The following DLX2 variants were observed in gnomAD, a reference collection of about 807,000 sequenced individuals.
The protein encoded by DLX2 is distal-less homeobox 2, also known as homeobox protein DLX-2.
In DLX2, 8 loss-of-function variants were observed where a neutral mutation model predicts 27.4. The observed-to-expected ratio is 0.29, with a 90% CI of 0.17 to 0.53. The LOEUF is 0.53. Ranked by LOEUF, DLX2 falls within the 20% of genes least tolerant of loss-of-function variation. DLX2 has a pLI of 0.96. For synonymous variants in DLX2, 210 were observed against 200.8 expected (o/e 1.05, Z -0.39); for missense variants, 421 against 450.9 (o/e 0.93, Z 0.60).
intron 1 of DLX2, 60 bp downstream of exon 1, chr2:172,102,079 T>C: frequency 1.9e-6 from 3 of 1,557,210 alleles, no homozygotes; most frequent in Non-Finnish European, 2.6e-6. Flanking sequence ...CAAACACGTT[T>C]ACCCATCCAT....
chr2:172,100,654 G>A lies in DLX2; in HGVS notation c.876C>T (p.His292=). 3 of 1,565,154 alleles carry A rather than the reference G, an allele frequency of 1.9e-6. No individual in the cohort carries two copies. Among genetic ancestry groups the A allele is most frequent in the African/African-American group, 2.8e-5 (2 of 70,992 alleles). The part of the protein sequence containing the change: ...WYHQTSGSAS[H]LQATAPLLHP... ...GCAGCAGCGGCGCCGTGGCCTGCAG[G>A]TGTGAGGCGGATCCCGAGGTCTGGT... The change falls in exon 3 of 3, where the codon CAC becomes CAT. Residue 292 remains histidine, a synonymous_variant. Coordinates refer to ENST00000234198, the MANE Select transcript of DLX2 (RefSeq NM_004405.4). The surrounding 1 kb of genome is among the most constrained non-coding windows in gnomAD (Gnocchi z 4.5).
Position 172,102,299 on chromosome 2 carries a change from C to A in DLX2, c.240G>T (p.Gly80=), listed in dbSNP as rs1346887634. Residue 80 remains glycine (G), a synonymous_variant, in exon 1 of 3, where the codon GGG becomes GGT. Transcript: ENST00000234198. The part of the protein sequence containing the change: ...QQHPAGGGGG[G]GSPYAHMGSY... ...AACCCATGTGCGCGTAGGGCGAGCC[C>A]CCGCCGCCGCCGCCGCCCGCCGGGT... The A allele has an allele frequency of 1.9e-6, 3 of 1,609,118 alleles. No homozygotes were observed. The highest frequency in any genetic ancestry group is 2.5e-6 in the Non-Finnish European group (3 of 1,178,054).
At position 172,100,542 on chromosome 2, in the gene DLX2, G is replaced by A. The variant is rs139995048; in HGVS notation, c.*1C>T. ...CAGTCTCTGGCGAGTTCTCCCTGGG[G>A]TTAGAAAATCGTCCCCGCGCTCACC... On this transcript the variant is annotated 3_prime_UTR_variant, in exon 3 of 3. Transcript: ENST00000234198. This position sits in a 1 kb window ranked among gnomAD's most constrained non-coding sequence, Gnocchi z 4.5. 10,786 of 1,571,802 alleles carry A rather than the reference G, an allele frequency of 6.9e-3. 48 individuals are homozygous for A. The highest frequency in any genetic ancestry group is 7.9e-3 in the Non-Finnish European group (9,170 of 1,163,732).
rs114602098 is a variant in DLX2 at position 172,101,088 on chromosome 2, C to A, written c.586-144G>T. ...CCTGGGGAGATAAGAGGATCACGGGCGGCGGCCTTCGAGGCTCTGCCGGTT... is the reference window on the plus strand; with the variant it reads ...CCTGGGGAGATAAGAGGATCACGGGAGGCGGCCTTCGAGGCTCTGCCGGTT... On this transcript the variant is annotated intron_variant, in intron 2 of 2. Coordinates refer to ENST00000234198, the MANE Select transcript of DLX2 (RefSeq NM_004405.4). 143 of 890,080 alleles carry A rather than the reference C, an allele frequency of 1.6e-4. 1 individual carries two copies. The African/African-American group carries it at 2.2e-3, about 14-fold the overall frequency. The allele number at this position is 890,080 out of a possible 1,614,324, so 55.1% of individuals were successfully genotyped here.
chr2:172,100,607 G>C lies in DLX2; in HGVS notation c.923C>G (p.Pro308Arg). The change falls in exon 3 of 3, where the codon CCG becomes CGG. Residue 308 changes from proline to arginine, a missense_variant. This residue lies in a region of DLX2 where 185 missense variants were observed against 171.1 expected (regional missense o/e 1.08). Coordinates refer to ENST00000234198, the MANE Select transcript of DLX2 (RefSeq NM_004405.4). This position sits in a 1 kb window ranked among gnomAD's most constrained non-coding sequence, Gnocchi z 4.5. ...PLLHPTQTPQ[P>R]HHHHHHHGGG... ...GCCGTGATGGTGGTGGTGGTGATGC[G>C]GCTGCGGGGTCTGAGTGGGGTGCAG... The C allele has an allele frequency of 6.4e-7, 1 of 1,572,556 alleles. No individual in the cohort carries two copies. Among genetic ancestry groups the C allele is most frequent in the Non-Finnish European group, 8.6e-7 (1 of 1,163,850 alleles).
chr2:172,101,013 G>A, intron 2 of DLX2, 69 bp from the exon 3 acceptor site: 2 of 1,526,142 alleles, frequency 1.3e-6, no homozygotes, highest in Non-Finnish European at 1.8e-6. Context: ...TCGAAGAGGA[G>A]AAAAAAGAAG....
chr2:172,101,087 G>A (rs1054530298), intron 2 of DLX2, 143 bp from the exon 3 acceptor site: 10 of 910,486 alleles, frequency 1.1e-5, no homozygotes, highest in African/African-American at 8.5e-5. Flanking sequence ...AGGATCACGG[G>A]CGGCGGCCTT....
At chr2:172,102,101 G>T (rs753018341) in intron 1 of DLX2, 38 bp downstream of exon 1, 2 of 1,591,158 alleles carry the variant, frequency 1.3e-6, no homozygotes, top group South Asian at 2.3e-5. Context: ...CCATTAACTA[G>T]ACCGACTCGG....
intron 1 of DLX2, 77 bp downstream of exon 1, chr2:172,102,062 C>T: frequency 6.5e-7 from 1 of 1,539,654 alleles, no homozygotes; most frequent in Non-Finnish European, 8.8e-7. Context: ...TCGAAGGCCC[C>T]CCGCCCCAAA....
chr2:172,100,875 C>G lies in DLX2; in HGVS notation c.655G>C (p.Glu219Gln), dbSNP rs1235886408. The G allele has an allele frequency of 1.2e-6, 2 of 1,612,970 alleles. No homozygotes were observed. The highest frequency in any genetic ancestry group is 1.7e-6 in the Non-Finnish European group (2 of 1,179,906). ...KMWKSGEIPS[E>Q]QHPGASASPP... Reference sequence around the variant, plus strand: ...GAAGCGCTGGCCCCAGGGTGCTGCTCCGAGGGGATCTCACCACTTTTCCAC... The same window carrying G: ...GAAGCGCTGGCCCCAGGGTGCTGCTGCGAGGGGATCTCACCACTTTTCCAC... The change falls in exon 3 of 3, where the codon GAG becomes CAG. Residue 219 changes from glutamate (E) to glutamine (Q), a missense_variant. Transcript: ENST00000234198. The surrounding 1 kb of genome is among the most constrained non-coding windows in gnomAD (Gnocchi z 4.5).
In DLX2 at chr2:172,102,306, C is replaced by T; in HGVS notation, c.233G>A (p.Gly78Asp). The change falls in exon 1 of 3, where the codon GGC becomes GAC. Residue 78 changes from glycine (G) to aspartate (D), a missense_variant. Coordinates refer to ENST00000234198, the MANE Select transcript of DLX2 (RefSeq NM_004405.4). The stretch of plus-strand genomic sequence containing the variant: ...GTGCGCGTAGGGCGAGCCCCCGCCG[C>T]CGCCGCCGCCCGCCGGGTGCTGCTG... ...TNQQHPAGGG[G>D]GGGSPYAHMG... is the part of the protein sequence containing the mutation. 6.2e-7 allele frequency: 1 copy of T among 1,607,886 alleles called. No individual in the cohort carries two copies. Among genetic ancestry groups the T allele is most frequent in the Non-Finnish European group, 8.5e-7 (1 of 1,177,394 alleles).
Position 172,102,161 on chromosome 2 carries a change from C to A in DLX2, c.378G>T (p.Ser126=), listed in dbSNP as rs774250291. 3 of 1,613,546 alleles carry A rather than the reference C, an allele frequency of 1.9e-6. No homozygotes were observed. Among genetic ancestry groups the A allele is most frequent in the Non-Finnish European group, 1.7e-6 (2 of 1,179,794 alleles). Residue 126 remains serine, a synonymous_variant, in exon 1 of 3, where the codon TCG becomes TCT. Coordinates refer to ENST00000234198, the MANE Select transcript of DLX2 (RefSeq NM_004405.4). ...TACCAGGCTCGTTGTTGGCTGGGGA[C>A]GAACTGGTTCCATAGGGAGCGTAGG... is the stretch of plus-strand genomic sequence containing the variant. The part of the protein sequence containing the change: ...YTSYAPYGTS[S]SPANNEPEKE...
Position 172,102,542 on chromosome 2 carries a change from G to A in DLX2, c.-4C>T. 1 of 1,523,890 alleles carries A rather than the reference G, an allele frequency of 6.6e-7. No homozygotes were observed. The highest frequency in any genetic ancestry group is 2.5e-5 in the East Asian group (1 of 40,688). 94.4% of individuals were successfully genotyped at this position (1,523,890 alleles called of 1,614,324 possible). A position where few individuals can be genotyped will look rare whatever the true frequency, so the allele number is the denominator to read the frequency against. ...GACTGTCAAAGACTCCAGTCATCCT[G>A]GCCCGAGACGGGAAAGAGCAGAGGT... On this transcript the variant is annotated 5_prime_UTR_variant, in exon 1 of 3. Transcript: ENST00000234198.
At chr2:172,101,820 G>A (rs768111801) in intron 1 of DLX2, among the ~76,000 whole-genome samples, 174 bp from the exon 2 acceptor site, 1 of 152,262 alleles carries the variant, frequency 6.6e-6, no homozygotes, top group African/African-American at 2.4e-5. Context: ...CACCGACCCC[G>A]GGAGCTGTAC....
chr2:172,100,726 G>C lies in DLX2; in HGVS notation c.804C>G (p.Ser268Arg). 6.5e-7 allele frequency: 1 copy of C among 1,547,770 alleles called. No homozygotes were observed. The highest frequency in any genetic ancestry group is 8.7e-7 in the Non-Finnish European group (1 of 1,152,828). ...GAAAAGCCGAGGCCGCGCTGCTCGG[G>C]CTGGAGCCCGAGCTGCCGGCGCCGC... ...GGSGAGSSGS[S>R]PSSAASAFLG... The change falls in exon 3 of 3, where the codon AGC becomes AGG. Residue 268 changes from serine to arginine, a missense_variant. By Grantham distance (110) the Ser-to-Arg change is moderately radical. This residue lies in a region of DLX2 where 185 missense variants were observed against 171.1 expected (regional missense o/e 1.08). Transcript: ENST00000234198. The surrounding 1 kb of genome is among the most constrained non-coding windows in gnomAD (Gnocchi z 4.5).
intron 1 of DLX2, among the ~76,000 whole-genome samples, 182 bp downstream of exon 1, chr2:172,101,957 G>C (rs1691166006): frequency 1.3e-5 from 2 of 152,376 alleles, no homozygotes; most frequent in African/African-American, 4.8e-5. Flanking sequence ...CCAAAGGAGA[G>C]AGGGACGTAA....
At position 172,102,473 on chromosome 2, in the gene DLX2, C is replaced by T; in HGVS notation, c.66G>A (p.Thr22=). 6.5e-7 allele frequency: 1 copy of T among 1,549,652 alleles called. No homozygotes were observed. ...MHSTQIAASS[T]YHQHQQPPSG... ...TCGGGGGCTGCTGGTGCTGGTGGTA[C>T]GTGCTGGAGGCGGCGATCTGGGTCG... The change falls in exon 1 of 3, where the codon ACG becomes ACA. Residue 22 remains threonine, a synonymous_variant. Transcript: ENST00000234198.
Position 172,102,310 on chromosome 2 carries a change from C to T in DLX2, c.229G>A (p.Gly77Ser). The T allele has an allele frequency of 6.2e-7, 1 of 1,608,674 alleles. No individual in the cohort carries two copies. The highest frequency in any genetic ancestry group is 8.5e-7 in the Non-Finnish European group (1 of 1,177,742). The change falls in exon 1 of 3, where the codon GGC (glycine) becomes AGC (serine). Residue 77 changes from glycine to serine, a missense_variant. Physicochemically the swap from Gly to Ser is moderately conservative, Grantham distance 56 (BLOSUM62 0). Around this residue, in one of 5 missense-constraint regions of DLX2, gnomAD observed 141 missense variants for 123.5 expected, o/e 1.14. Transcript: ENST00000234198. ...GCGTAGGGCGAGCCCCCGCCGCCGC[C>T]GCCGCCCGCCGGGTGCTGCTGGTTG... The part of the protein sequence containing the change: ...YTNQQHPAGG[G>S]GGGGSPYAHM...
In DLX2 at chr2:172,102,473, C is replaced by G. The variant is rs1052596422; in HGVS notation, c.66G>C (p.Thr22=). The G allele has an allele frequency of 1.7e-5, 27 of 1,549,534 alleles. No individual in the cohort carries two copies. The Admixed American group carries it at 5.3e-4, about 31-fold the overall frequency. ...TCGGGGGCTGCTGGTGCTGGTGGTA[C>G]GTGCTGGAGGCGGCGATCTGGGTCG... ...MHSTQIAASS[T]YHQHQQPPSG... The change falls in exon 1 of 3, where the codon ACG becomes ACC. Residue 22 remains threonine, a synonymous_variant. Coordinates refer to ENST00000234198, the MANE Select transcript of DLX2 (RefSeq NM_004405.4).
Sources: allele counts gnomAD v4.1 joint callset (sites outside exome capture counted in the v4.1 genomes callset), GRCh38; gene constraint gnomAD v4.1.1; regional missense constraint gnomAD v4.1.1; non-coding constraint Gnocchi (gnomAD v3.1); transcripts MANE v1.5; gene names NCBI Gene and HGNC (gene_info 2026-07-23, HGNC 2026-07-21).